Variants in SGCD observed in about 807,000 individuals in gnomAD.
SGCD encodes the protein delta-sarcoglycan.
In SGCD, 18 loss-of-function variants were observed where a neutral mutation model predicts 36.6. The observed-to-expected ratio is 0.49, with a 90% CI of 0.34 to 0.73. SGCD has a LOEUF of 0.73. Ranked by LOEUF, SGCD falls within the 30% of genes least tolerant of loss-of-function variation. The pLI is 0.01. For missense variants in SGCD, 387 were observed against 346.7 expected (o/e 1.12, Z -0.92); for synonymous variants, 133 against 130.6 (o/e 1.02, Z -0.12).
intron 1 of SGCD, among the ~76,000 whole-genome samples, chr5:155,910,628 A>G (rs183897162): frequency 1.3e-5 from 2 of 152,254 alleles, no homozygotes; most frequent in East Asian, 1.9e-4. Context: ...GTGAGCCAGT[A>G]CAAGGGAACT....
intron 3 of SGCD, among the ~76,000 whole-genome samples, chr5:156,482,227 A>G (rs1755462097): frequency 6.6e-6 from 1 of 152,030 alleles, no homozygotes; most frequent in Admixed American, 6.6e-5. Flanking sequence ...GATCACTATG[A>G]TTTCAGTTCG....
the SGCD span, among the ~76,000 whole-genome samples, chr5:155,740,660 T>C: frequency 6.6e-6 from 1 of 151,868 alleles, no homozygotes; most frequent in Non-Finnish European, 1.5e-5. Flanking sequence ...AGCTATACTC[T>C]TTGTAATTTT....
intron 3 of SGCD, among the ~76,000 whole-genome samples, chr5:156,298,576 CTTTTTTTTTT>C (rs924228753): frequency 6.3e-5 from 7 of 110,520 alleles, no homozygotes; most frequent in African/African-American, 2.3e-4. Flanking sequence ...TTTTTCTTTT[CTTTTTTTTTT>C]TTTTTTTTTT....
chr5:156,297,795 T>A (rs780920846), intron 3 of SGCD, among the ~76,000 whole-genome samples: 77 of 75,604 alleles, frequency 1.0e-3, no homozygotes, highest in East Asian at 2.1e-3. Flanking sequence ...AATAAAAAAA[T>A]AAATAAATAA....
At chr5:155,974,794 T>C (rs1758076780) in intron 1 of SGCD, among the ~76,000 whole-genome samples, 1 of 152,002 alleles carries the variant, frequency 6.6e-6, no homozygotes. Context: ...CAGTGGACCC[T>C]TGAAGGGATA....
the SGCD span, among the ~76,000 whole-genome samples, chr5:155,862,504 T>C: frequency 1.3e-5 from 2 of 152,130 alleles, no homozygotes; most frequent in Non-Finnish European, 2.9e-5. Flanking sequence ...TTTTTTATTT[T>C]ATTTTATTTT....
intron 1 of SGCD, among the ~76,000 whole-genome samples, chr5:156,028,912 G>A (rs1759281935): frequency 6.6e-6 from 1 of 152,112 alleles, no homozygotes; most frequent in Non-Finnish European, 1.5e-5. Context: ...CACTCAGCAC[G>A]AAATCACAAA....
intron 1 of SGCD, among the ~76,000 whole-genome samples, chr5:155,944,665 C>T (rs1168302213): frequency 6.6e-6 from 1 of 152,068 alleles, no homozygotes; most frequent in African/African-American, 2.4e-5. Flanking sequence ...GCGATAAGAA[C>T]ATACACTGTG....
chr5:156,606,422 A>G (rs1213717132), intron 6 of SGCD, among the ~76,000 whole-genome samples: 2 of 152,224 alleles, frequency 1.3e-5, no homozygotes, highest in African/African-American at 4.8e-5. Flanking sequence ...TTTTGGTACC[A>G]GTACCATGCT....
chr5:156,098,525 T>C (rs1761435138), intron 1 of SGCD, among the ~76,000 whole-genome samples: 1 of 152,118 alleles, frequency 6.6e-6, no homozygotes, highest in East Asian at 1.9e-4. Flanking sequence ...TTATAGTTTA[T>C]ATAGAGTATT....
At chr5:155,828,594 T>C in the SGCD span, among the ~76,000 whole-genome samples, 1 of 152,226 alleles carries the variant, frequency 6.6e-6, no homozygotes, top group Non-Finnish European at 1.5e-5. Context: ...ACAACCCTTC[T>C]TCTTCCCAAC....
intron 4 of SGCD, among the ~76,000 whole-genome samples, chr5:156,553,935 G>A (rs762644527): frequency 1.3e-5 from 2 of 152,134 alleles, no homozygotes; most frequent in Non-Finnish European, 2.9e-5. Flanking sequence ...ACACATTTTT[G>A]TGTAAATATA....
At chr5:156,423,244 T>TATTATAATAAAATATAATATTATAA (rs1773448794) in intron 3 of SGCD, among the ~76,000 whole-genome samples, 1 of 2,782 alleles carries the variant, frequency 3.6e-4, no homozygotes. Context: ...ATATTATATT[T>TATTATAATAAAATATAATATTATAA]TATAATATTA....
At chr5:156,124,516 A>C (rs1287218898) in intron 3 of SGCD, among the ~76,000 whole-genome samples, 1 of 152,154 alleles carries the variant, frequency 6.6e-6, no homozygotes, top group Non-Finnish European at 1.5e-5. Context: ...GCAGACTCTA[A>C]GTTGAAGTCA....
intron 3 of SGCD, among the ~76,000 whole-genome samples, chr5:156,362,045 T>C (rs1010674149): frequency 2.6e-5 from 4 of 152,126 alleles, no homozygotes; most frequent in African/African-American, 7.2e-5. Context: ...AAAGCCCTGA[T>C]TGAGAAAGGA....
At chr5:156,017,164 T>C (rs73810397) in intron 1 of SGCD, among the ~76,000 whole-genome samples, 11,499 of 152,236 alleles carry the variant, frequency 0.076, 1,491 homozygotes, top group African/African-American at 0.26. Flanking sequence ...TTAAAAACCA[T>C]CTAAAAATAT....
intron 1 of SGCD, among the ~76,000 whole-genome samples, chr5:155,942,296 A>ATTTT (rs1757340850): frequency 7.2e-6 from 1 of 138,486 alleles, no homozygotes; most frequent in African/African-American, 2.8e-5. Context: ...GTATGTACGC[A>ATTTT]TGTATGTATG....
At chr5:156,504,390 G>GTATATATATATATATA (rs746430800) in intron 3 of SGCD, among the ~76,000 whole-genome samples, 4 of 126,498 alleles carry the variant, frequency 3.2e-5, no homozygotes, top group African/African-American at 7.1e-5. Context: ...GGGTGTGTGT[G>GTATATATATATATATA]TGTATATATA....
intron 1 of SGCD, among the ~76,000 whole-genome samples, chr5:156,024,088 G>T (rs1261301111): frequency 1.3e-5 from 2 of 152,134 alleles, no homozygotes; most frequent in African/African-American, 4.8e-5. Flanking sequence ...GCAGATTCTG[G>T]AGTTCCAAGG....
Sources: gnomAD v4.1 joint callset for allele counts (sites outside exome capture counted in the v4.1 genomes callset) on GRCh38, gnomAD v4.1.1 for gene constraint, MANE v1.5 for transcripts, NCBI Gene and HGNC (gene_info 2026-07-23, HGNC 2026-07-21) for gene names.